Variants in CALN1 observed in about 807,000 individuals in gnomAD.
CALN1 encodes the protein calcium-binding protein 8.
Under a neutral mutation model 30.6 loss-of-function variants are expected in CALN1, and 17 were observed. The observed-to-expected ratio is 0.56, with a 90% CI of 0.38 to 0.83. The LOEUF is 0.83. CALN1 is among the 40% of genes least tolerant of loss of function. The probability of loss-of-function intolerance (pLI) is 0.00; values close to 1 mark genes in which losing one functional copy is unlikely to be tolerated. For synonymous variants in CALN1, 156 were observed against 131.4 expected (o/e 1.19, Z -1.28); for missense variants, 291 against 354.9 (o/e 0.82, Z 1.45).
chr7:72,181,096 ACCCC>A (rs199527098), intron 3 of CALN1, among the ~76,000 whole-genome samples: 8 of 74,592 alleles, frequency 1.1e-4, no homozygotes, highest in African/African-American at 2.1e-4. Context: ...AAACTGCATA[ACCCC>A]CCCCCCCCCC....
intron 5 of CALN1, among the ~76,000 whole-genome samples, chr7:72,007,703 C>T (rs772717443): frequency 8.5e-5 from 13 of 152,254 alleles, no homozygotes; most frequent in South Asian, 8.3e-4. Flanking sequence ...ACAACATCTG[C>T]GCTCTATGCA....
At chr7:72,349,656 A>C (rs1802823941) in intron 2 of CALN1, among the ~76,000 whole-genome samples, 1 of 152,218 alleles carries the variant, frequency 6.6e-6, no homozygotes, top group Admixed American at 6.5e-5. Flanking sequence ...GAGAATTGTC[A>C]TGACGGTTTT....
intron 2 of CALN1, among the ~76,000 whole-genome samples, chr7:72,385,743 G>A (rs966257338): frequency 6.6e-6 from 1 of 152,074 alleles, no homozygotes; most frequent in African/African-American, 2.4e-5. Flanking sequence ...TCATGAGATC[G>A]AATGGTTTAA....
chr7:72,170,336 C>A (rs1241391069), intron 3 of CALN1, among the ~76,000 whole-genome samples: 1 of 152,046 alleles, frequency 6.6e-6, no homozygotes, highest in African/African-American at 2.4e-5. Flanking sequence ...CTATTTATGG[C>A]CTTAATAACT....
At chr7:72,404,513 A>G (rs539278396) in intron 1 of CALN1, among the ~76,000 whole-genome samples, 1 of 152,216 alleles carries the variant, frequency 6.6e-6, no homozygotes, top group Admixed American at 6.5e-5. Flanking sequence ...CCCGGCCACC[A>G]TGGATCAGGG....
the CALN1 span, among the ~76,000 whole-genome samples, chr7:72,490,971 G>A: frequency 5.0e-4 from 76 of 152,300 alleles, no homozygotes; most frequent in African/African-American, 1.7e-3. Context: ...AAGGCCGGGC[G>A]CGGTGGCTCA....
intron 2 of CALN1, among the ~76,000 whole-genome samples, chr7:72,383,016 G>A (rs1324948219): frequency 2.6e-5 from 4 of 152,140 alleles, no homozygotes; most frequent in Non-Finnish European, 4.4e-5. Flanking sequence ...TCCATCTCTT[G>A]ACCTCATGAT....
At chr7:72,467,299 G>T in the CALN1 span, among the ~76,000 whole-genome samples, 16 of 152,202 alleles carry the variant, frequency 1.1e-4, 1 homozygote, top group Admixed American at 1.0e-3. Flanking sequence ...GGTTTGCAAT[G>T]TCCACACGGC....
At chr7:72,318,512 C>A (rs1234209661) in intron 2 of CALN1, among the ~76,000 whole-genome samples, 1 of 152,080 alleles carries the variant, frequency 6.6e-6, no homozygotes, top group Non-Finnish European at 1.5e-5. Flanking sequence ...GTACAGCTAG[C>A]TCTCCACAGT....
At chr7:71,841,288 G>A (rs1789924411) in intron 5 of CALN1, among the ~76,000 whole-genome samples, 1 of 152,172 alleles carries the variant, frequency 6.6e-6, no homozygotes. Flanking sequence ...CCCTCTCTCT[G>A]GGACTGTAAG....
chr7:71,905,382 GTTTT>G (rs57155520), intron 5 of CALN1, among the ~76,000 whole-genome samples: 25 of 145,396 alleles, frequency 1.7e-4, no homozygotes, highest in African/African-American at 5.8e-4. Flanking sequence ...CTAATGTGTA[GTTTT>G]TTTTTTTTTT....
intron 2 of CALN1, among the ~76,000 whole-genome samples, chr7:72,396,809 T>C (rs1003564261): frequency 2.6e-5 from 4 of 152,172 alleles, no homozygotes; most frequent in African/African-American, 9.7e-5. Context: ...ACTAGAACCA[T>C]GACTCACACT....
At chr7:71,839,401 A>G (rs1358367949) in intron 5 of CALN1, among the ~76,000 whole-genome samples, 3 of 152,120 alleles carry the variant, frequency 2.0e-5, no homozygotes, top group African/African-American at 4.8e-5. Flanking sequence ...GCATGGTGGC[A>G]CACACCTGTA....
chr7:72,405,995 A>C (rs983262341), intron 1 of CALN1, among the ~76,000 whole-genome samples: 1 of 152,186 alleles, frequency 6.6e-6, no homozygotes, highest in Non-Finnish European at 1.5e-5. Context: ...ACCTGCCCAC[A>C]GCTCAACAGG....
intron 5 of CALN1, among the ~76,000 whole-genome samples, chr7:71,870,694 C>G (rs967602374): frequency 6.6e-6 from 1 of 152,148 alleles, no homozygotes; most frequent in Non-Finnish European, 1.5e-5. Flanking sequence ...TATCACCAAT[C>G]AGCCGAGATC....
At chr7:71,821,818 C>T (rs867777674) in intron 5 of CALN1, among the ~76,000 whole-genome samples, 2 of 141,734 alleles carry the variant, frequency 1.4e-5, no homozygotes, top group Non-Finnish European at 3.0e-5. Context: ...GTCAGGGTCT[C>T]GCTGTGTCAC....
intron 2 of CALN1, among the ~76,000 whole-genome samples, chr7:72,318,376 A>G (rs1002365287): frequency 6.6e-6 from 1 of 152,162 alleles, no homozygotes; most frequent in Non-Finnish European, 1.5e-5. Context: ...CTTACTCTGG[A>G]GCAAAAAAAT....
chr7:71,923,514 C>G (rs577279867), intron 5 of CALN1, among the ~76,000 whole-genome samples: 19 of 152,272 alleles, frequency 1.2e-4, no homozygotes, highest in African/African-American at 4.6e-4. Context: ...GAGTCTCACT[C>G]TATTATTCCA....
At chr7:71,937,679 T>C (rs1795917026) in intron 5 of CALN1, among the ~76,000 whole-genome samples, 1 of 152,052 alleles carries the variant, frequency 6.6e-6, no homozygotes, top group Non-Finnish European at 1.5e-5. Context: ...AGGGTCTCGC[T>C]GTGTTGCCAG....
Sources: gnomAD v4.1 joint callset for allele counts (sites outside exome capture counted in the v4.1 genomes callset) on GRCh38, gnomAD v4.1.1 for gene constraint, MANE v1.5 for transcripts, NCBI Gene and HGNC (gene_info 2026-07-23, HGNC 2026-07-21) for gene names.